The following UMAD1 variants were observed in gnomAD, a reference collection of about 807,000 sequenced individuals.
The protein encoded by UMAD1 is UBAP1-MVB12-associated (UMA)-domain containing protein 1.
In UMAD1, 8 loss-of-function variants were observed where a neutral mutation model predicts 6.1. The ratio of observed to expected loss-of-function variants is 1.30; its 90% confidence interval spans 0.76 to 2.35. The LOEUF (loss-of-function observed/expected upper bound fraction) is 2.35, where lower values mean the gene tolerates loss of function less well. Ranked by LOEUF, UMAD1 falls within the 30% of genes most tolerant of loss-of-function variation. The pLI is 0.00. For synonymous variants in UMAD1, 56 were observed against 31.4 expected (o/e 1.78, Z -2.61); for missense variants, 130 against 78.4 (o/e 1.66, Z -2.49).
intron 2 of UMAD1, among the ~76,000 whole-genome samples, chr7:7,686,571 C>T (rs982984940): frequency 2.0e-5 from 3 of 152,106 alleles, no homozygotes; most frequent in East Asian, 1.9e-4. Flanking sequence ...TATACTCATA[C>T]GAGGTTGACA....
chr7:7,761,599 G>A (rs1213928913), intron 2 of UMAD1, among the ~76,000 whole-genome samples: 2 of 152,174 alleles, frequency 1.3e-5, no homozygotes, highest in Non-Finnish European at 2.9e-5. Flanking sequence ...GGAAAAGGAA[G>A]AAATCTCAAG....
At chr7:7,746,430 C>G (rs1384309723) in intron 2 of UMAD1, among the ~76,000 whole-genome samples, 1 of 152,226 alleles carries the variant, frequency 6.6e-6, no homozygotes, top group Non-Finnish European at 1.5e-5. Context: ...GCTCCTTTCT[C>G]TTATCCCCAG....
chr7:7,722,182 T>C (rs989211653), intron 2 of UMAD1, among the ~76,000 whole-genome samples: 2 of 148,022 alleles, frequency 1.4e-5, no homozygotes, highest in African/African-American at 5.0e-5. Flanking sequence ...TATATATATG[T>C]ATATCTATAT....
chr7:7,686,262 A>G (rs1780039402), intron 2 of UMAD1, among the ~76,000 whole-genome samples: 1 of 152,162 alleles, frequency 6.6e-6, no homozygotes, highest in East Asian at 1.9e-4. Context: ...TCTTGGCTGA[A>G]TAGAGAGGGT....
chr7:7,818,717 T>A (rs1267419332), intron 3 of UMAD1, among the ~76,000 whole-genome samples: 3 of 152,206 alleles, frequency 2.0e-5, no homozygotes, highest in Non-Finnish European at 2.9e-5. Context: ...CACACTTATG[T>A]TCATTGTAGC....
At chr7:7,815,845 C>G (rs1783115111) in intron 3 of UMAD1, among the ~76,000 whole-genome samples, 1 of 152,050 alleles carries the variant, frequency 6.6e-6, no homozygotes, top group African/African-American at 2.4e-5. Context: ...ATTGGGTAGG[C>G]TACAAGAGGT....
chr7:7,735,582 G>C (rs1781341458), intron 2 of UMAD1, among the ~76,000 whole-genome samples: 1 of 152,142 alleles, frequency 6.6e-6, no homozygotes, highest in Non-Finnish European at 1.5e-5. Context: ...GCTAATGTTT[G>C]TATTTTTAGT....
At chr7:7,720,227 T>C (rs1031197439) in intron 2 of UMAD1, among the ~76,000 whole-genome samples, 1 of 152,072 alleles carries the variant, frequency 6.6e-6, no homozygotes, top group Non-Finnish European at 1.5e-5. Context: ...CACAAGAGCA[T>C]TAAAATATAA....
intron 2 of UMAD1, among the ~76,000 whole-genome samples, chr7:7,727,760 C>T (rs112306499): frequency 3.3e-5 from 5 of 152,282 alleles, no homozygotes; most frequent in African/African-American, 1.2e-4. Flanking sequence ...TGCTTCCTGT[C>T]CTCAAACATC....
intron 2 of UMAD1, among the ~76,000 whole-genome samples, chr7:7,760,276 C>T (rs1372964667): frequency 6.6e-6 from 1 of 152,074 alleles, no homozygotes; most frequent in Non-Finnish European, 1.5e-5. Flanking sequence ...CAACCTCTAA[C>T]ATCACTACAC....
intron 1 of UMAD1, among the ~76,000 whole-genome samples, chr7:7,664,883 C>G (rs1779398802): frequency 6.6e-6 from 1 of 152,144 alleles, no homozygotes. Flanking sequence ...TTTGCATAAT[C>G]ATGCATTTCA....
At chr7:7,737,172 T>C (rs1781376400) in intron 2 of UMAD1, among the ~76,000 whole-genome samples, 1 of 152,258 alleles carries the variant, frequency 6.6e-6, no homozygotes, top group Non-Finnish European at 1.5e-5. Context: ...GAAAACCCCA[T>C]TGTCTACTAA....
chr7:7,797,029 T>G (rs554984459), intron 2 of UMAD1, among the ~76,000 whole-genome samples: 1 of 152,286 alleles, frequency 6.6e-6, no homozygotes, highest in East Asian at 1.9e-4. Flanking sequence ...AAGGGTAATT[T>G]ATAAAGAAAA....
In UMAD1 at chr7:7,718,072, C is replaced by G. The variant is rs374468009; in HGVS notation, c.82+44619C>G. Reference sequence around the variant, plus strand: ...AGTGTGTTGAATAACCTGTGATATACCATTCACTTATTAACTTCACATTGT... The same window carrying G: ...AGTGTGTTGAATAACCTGTGATATAGCATTCACTTATTAACTTCACATTGT... On this transcript the variant is annotated intron_variant, in intron 2 of 3. Coordinates refer to ENST00000682710, the MANE Select transcript of UMAD1 (RefSeq NM_001302348.2). Among the ~76,000 whole-genome samples the G allele has an allele frequency of 2.0e-4, 31 of 152,166 alleles. No homozygotes were observed. In the South Asian group the frequency reaches 6.2e-3, roughly 31 times the overall value.
At chr7:7,807,886 A>G (rs1317692228) in intron 3 of UMAD1, among the ~76,000 whole-genome samples, 1 of 152,072 alleles carries the variant, frequency 6.6e-6, no homozygotes, top group African/African-American at 2.4e-5. Flanking sequence ...ATTAATTAAT[A>G]CTGCATCTAC....
At chr7:7,841,479 T>C (rs1783681014) in intron 3 of UMAD1, among the ~76,000 whole-genome samples, 1 of 152,150 alleles carries the variant, frequency 6.6e-6, no homozygotes, top group South Asian at 2.1e-4. Flanking sequence ...AATTTTTGTA[T>C]TTTTTGTAGA....
intron 2 of UMAD1, among the ~76,000 whole-genome samples, chr7:7,798,677 G>C (rs1782736206): frequency 6.6e-6 from 1 of 152,192 alleles, no homozygotes; most frequent in Non-Finnish European, 1.5e-5. Context: ...CTAACTCAGA[G>C]TCTAGTTTCC....
intron 2 of UMAD1, among the ~76,000 whole-genome samples, chr7:7,794,259 G>A (rs887147669): frequency 6.6e-6 from 1 of 152,264 alleles, no homozygotes; most frequent in East Asian, 1.9e-4. Context: ...GGGCTCAAGG[G>A]CATGCCAATA....
At chr7:7,828,621 G>A (rs1237322237) in intron 3 of UMAD1, among the ~76,000 whole-genome samples, 3 of 152,208 alleles carry the variant, frequency 2.0e-5, no homozygotes, top group African/African-American at 7.2e-5. Flanking sequence ...GGGGCTGCCT[G>A]TAAAGGCTTT....
Sources: allele counts gnomAD v4.1 joint callset (sites outside exome capture counted in the v4.1 genomes callset), GRCh38; gene constraint gnomAD v4.1.1; transcripts MANE v1.5; gene names NCBI Gene and HGNC (gene_info 2026-07-23, HGNC 2026-07-21).